Variants in ANGPT2 observed in about 807,000 individuals in gnomAD.
ANGPT2 encodes the protein angiopoietin-2.
ANGPT2 carries 28 observed loss-of-function variants against 62.9 expected under a neutral mutation model. That is an observed-to-expected ratio of 0.44 (90% CI 0.33 to 0.61). ANGPT2 has a LOEUF of 0.61. Ranked by LOEUF, ANGPT2 falls within the 20% of genes least tolerant of loss-of-function variation. The pLI, the probability that ANGPT2 is intolerant of heterozygous loss-of-function variation, is 0.03. For synonymous variants in ANGPT2, 284 were observed against 207.8 expected (o/e 1.37, Z -3.15); for missense variants, 727 against 594.9 (o/e 1.22, Z -2.31).
At position 6,562,868 on chromosome 8, in the gene ANGPT2, G is replaced by C; in HGVS notation, c.67C>G (p.Arg23Gly). Residue 23 changes from arginine (R) to glycine (G), a missense_variant, in exon 1 of 9, where the codon CGG (arginine) becomes GGG (glycine). Transcript: ENST00000629816. The part of the protein sequence containing the change: ...LVLAAAYNNF[R>G]KSMDSIGKKQ... The stretch of plus-strand genomic sequence containing the variant: ...TTTCCTATGCTGTCCATGCTCTTCC[G>C]AAAGTTGTTATAGGCTGCGGCCAAG... 2.5e-6 allele frequency: 4 copies of C among 1,612,560 alleles called. No individual in the cohort carries two copies. Among genetic ancestry groups the C allele is most frequent in the Non-Finnish European group, 3.4e-6 (4 of 1,178,834 alleles).
rs922487019 is a variant in ANGPT2, at chr8:6,541,493, AG to A, written c.289-9007del. Among the ~76,000 whole-genome samples, 19 of 152,300 alleles carry A rather than the reference AG, an allele frequency of 1.2e-4. 3 individuals are homozygous for A. Among genetic ancestry groups the A allele is most frequent in the African/African-American group, 4.3e-4 (18 of 41,564 alleles). On this transcript the variant is annotated intron_variant, in intron 1 of 8. Transcript: ENST00000629816. Reference sequence around the variant, plus strand: ...GGCAGGCCTGGAGACAGGAAACCAAAGCCAGGGTTGTCATGCAGGAGTGAGA... The same window carrying A: ...GGCAGGCCTGGAGACAGGAAACCAAACCAGGGTTGTCATGCAGGAGTGAGA...
chr8:6,522,711 T>C (rs113969115), intron 3 of ANGPT2, among the ~76,000 whole-genome samples: 11,191 of 149,038 alleles, frequency 0.075, 492 homozygotes, highest in African/African-American at 0.12. Context: ...GAGGTGGAGG[T>C]TGCAGTGAGC....
intron 1 of ANGPT2, 69 bp downstream of exon 1, chr8:6,562,578 T>C (rs1296317952): frequency 3.4e-6 from 3 of 880,098 alleles, no homozygotes; most frequent in Non-Finnish European, 4.7e-6. Context: ...TTTTGGTTGT[T>C]AAAACCTGAG....
intron 8 of ANGPT2, among the ~76,000 whole-genome samples, chr8:6,504,880 A>G (rs1222972426): frequency 6.6e-6 from 1 of 152,096 alleles, no homozygotes; most frequent in African/African-American, 2.4e-5. Context: ...TTTGCTGGAC[A>G]TCTTGGAATG....
At chr8:6,548,211 A>G (rs1252856397) in intron 1 of ANGPT2, among the ~76,000 whole-genome samples, 2 of 152,144 alleles carry the variant, frequency 1.3e-5, no homozygotes, top group South Asian at 2.1e-4. Flanking sequence ...TTAGAAGGCC[A>G]AAGTTAGAAC....
At position 6,514,749 on chromosome 8, in the gene ANGPT2, G is replaced by C. The variant is rs139416191; in HGVS notation, c.957C>G (p.Gly319=). Residue 319 remains glycine, a synonymous_variant, in exon 6 of 9, where the codon GGC becomes GGG. Transcript: ENST00000629816. Reference sequence around the variant, plus strand: ...CACGTCGCTGAATAATTGTCCACCCGCCTCCTCCAGCTTCCATGTCACAGT... The same window carrying C: ...CACGTCGCTGAATAATTGTCCACCCCCCTCCTCCAGCTTCCATGTCACAGT... The part of the protein sequence containing the change: ...KAYCDMEAGG[G]GWTIIQRRED... The C allele has an allele frequency of 3.1e-6, 5 of 1,613,658 alleles. No individual in the cohort carries two copies. In the African/African-American group the frequency reaches 6.7e-5, roughly 22 times the overall value.
At position 6,499,902 on chromosome 8, in the gene ANGPT2, A is replaced by G; in HGVS notation, c.*3199T>C. On this transcript the variant is annotated 3_prime_UTR_variant, in exon 9 of 9. Coordinates refer to ENST00000629816, the MANE Select transcript of ANGPT2 (RefSeq NM_001118887.2). ...ACTGGATTTCTGAGGAGCCGTTCGA[A>G]CTGTCTCACCACTTCCCTGCAGCTC... is the stretch of plus-strand genomic sequence containing the variant. 1 of 1,613,714 alleles carries G rather than the reference A, an allele frequency of 6.2e-7. No homozygotes were observed. The highest frequency in any genetic ancestry group is 8.5e-7 in the Non-Finnish European group (1 of 1,179,996).
intron 3 of ANGPT2, among the ~76,000 whole-genome samples, chr8:6,525,967 A>G (rs898946033): frequency 5.3e-5 from 8 of 152,136 alleles, no homozygotes; most frequent in Admixed American, 2.6e-4. Context: ...AAGTGGGGAA[A>G]CAGTATTCAG....
intron 5 of ANGPT2, 54 bp from the exon 6 acceptor site, chr8:6,514,832 C>T (rs996918467): frequency 1.8e-5 from 27 of 1,480,796 alleles, no homozygotes; most frequent in African/African-American, 1.7e-4. Context: ...TCCCCCCTTA[C>T]GTAGCAGAAG....
chr8:6,541,156 C>T (rs13255574), intron 1 of ANGPT2, among the ~76,000 whole-genome samples: 30,099 of 152,160 alleles, frequency 0.2, 3,226 homozygotes, highest in Non-Finnish European at 0.23. Context: ...GCAAGTTGGG[C>T]CCAGAGGGTT....
Position 6,562,794 on chromosome 8 carries a change from C to A in ANGPT2, c.141G>T (p.Leu47=), listed in dbSNP as rs372726416. ...QHGSCSYTFL[L]PEMDNCRSSS... ...AAGAGCGGCAGTTGTCCATCTCTGG[C>A]AGGAGGAAAGTGTAGCTGCAGGACC... The change falls in exon 1 of 9, where the codon CTG becomes CTT. Residue 47 remains leucine (L), a synonymous_variant. Transcript: ENST00000629816. The A allele has an allele frequency of 1.2e-6, 2 of 1,613,440 alleles. No individual in the cohort carries two copies. The highest frequency in any genetic ancestry group is 2.7e-5 in the African/African-American group (2 of 74,684).
rs569665273 is a variant in ANGPT2 at position 6,502,749 on chromosome 8, A to C, written c.*352T>G. The stretch of plus-strand genomic sequence containing the variant: ...TCCAAGATGATCTGTATTGTATAAC[A>C]TAAGTGTTCTGTTTTCCAGTTATTT... On this transcript the variant is annotated 3_prime_UTR_variant, in exon 9 of 9. Transcript: ENST00000629816. 3.5e-6 allele frequency: 1 copy of C among 288,020 alleles called. No individual in the cohort carries two copies. Among genetic ancestry groups the C allele is most frequent in the South Asian group, 4.6e-5 (1 of 21,566 alleles). 17.8% of individuals were successfully genotyped at this position (288,020 alleles called of 1,614,324 possible).
rs180980840 is a variant in ANGPT2, at chr8:6,515,673, G to A, written c.928-895C>T. ...TAAATAATAAAGATTACAGTAGAAC[G>A]AAACATGTTTTCCAGAAAGTAAGAT... On this transcript the variant is annotated intron_variant, in intron 5 of 8. Coordinates refer to ENST00000629816, the MANE Select transcript of ANGPT2 (RefSeq NM_001118887.2). 1.4e-4 allele frequency among the ~76,000 whole-genome samples: 21 copies of A among 152,274 alleles called. 1 individual carries two copies. Among genetic ancestry groups the A allele is most frequent in the East Asian group, 1.3e-3 (7 of 5,186 alleles).
intron 3 of ANGPT2, among the ~76,000 whole-genome samples, chr8:6,523,635 G>A (rs992407540): frequency 1.3e-5 from 2 of 152,108 alleles, no homozygotes; most frequent in African/African-American, 4.8e-5. Flanking sequence ...TGTGGCCTGG[G>A]CTGTTGTGCA....
chr8:6,505,462 ATATT>A (rs1441507615), intron 8 of ANGPT2, among the ~76,000 whole-genome samples: 1 of 77,662 alleles, frequency 1.3e-5, no homozygotes, highest in African/African-American at 4.2e-5. Flanking sequence ...TAGAATATAT[ATATT>A]CTTTACATAT....
At chr8:6,543,642 CT>C (rs553168846) in intron 1 of ANGPT2, among the ~76,000 whole-genome samples, 246 of 152,228 alleles carry the variant, frequency 1.6e-3, no homozygotes, top group Non-Finnish European at 3.1e-3. Flanking sequence ...GTAGGTGCAG[CT>C]TTTTTTAATG....
At chr8:6,519,721 A>G in intron 5 of ANGPT2, 143 bp downstream of exon 5, 1 of 978,912 alleles carries the variant, frequency 1.0e-6, no homozygotes. Context: ...ACTCTAGGCG[A>G]GGTAGCTGCC....
intron 1 of ANGPT2, among the ~76,000 whole-genome samples, chr8:6,544,780 C>T (rs937613602): frequency 7.9e-5 from 12 of 152,174 alleles, no homozygotes; most frequent in Admixed American, 2.6e-4. Flanking sequence ...AAAAGAGCCT[C>T]CCTTACCTCC....
At position 6,502,299 on chromosome 8, in the gene ANGPT2, C is replaced by A. The variant is rs1812339202; in HGVS notation, c.*802G>T. ...ATAAAAGTTAAACATAGGCATATCC[C>A]CTAATAAGTTATATTTAATTACTAA... On this transcript the variant is annotated 3_prime_UTR_variant, in exon 9 of 9. Coordinates refer to ENST00000629816, the MANE Select transcript of ANGPT2 (RefSeq NM_001118887.2). The A allele has an allele frequency of 6.6e-6, 1 of 151,902 alleles. No individual in the cohort carries two copies. The highest frequency in any genetic ancestry group is 2.1e-4 in the South Asian group (1 of 4,812). The allele number at this position is 151,902 out of a possible 1,614,324, so 9.4% of individuals were successfully genotyped here.
Sources: allele counts gnomAD v4.1 joint callset (sites outside exome capture counted in the v4.1 genomes callset), GRCh38; gene constraint gnomAD v4.1.1; transcripts MANE v1.5; gene names NCBI Gene and HGNC (gene_info 2026-07-23, HGNC 2026-07-21).